The following ATR variants were observed in gnomAD, a reference collection of about 807,000 sequenced individuals.
ATR encodes the protein serine/threonine-protein kinase ATR.
In ATR, 142 loss-of-function variants were observed where a neutral mutation model predicts 305.3. The observed-to-expected ratio is 0.47, with a 90% CI of 0.41 to 0.53. ATR has a LOEUF of 0.53. ATR is among the 20% of genes least tolerant of loss of function. The pLI, the probability that ATR is intolerant of heterozygous loss-of-function variation, is 0.00. For missense variants in ATR, 2,135 were observed against 3,133.1 expected (o/e 0.68, Z 7.60); for synonymous variants, 1,050 against 1,068.1 (o/e 0.98, Z 0.33).
In ATR at chr3:142,550,161, C is replaced by T. The variant is rs537845660; in HGVS notation, c.2947G>A (p.Asp983Asn). The change falls in exon 14 of 47, where the codon GAC becomes AAC. Residue 983 changes from aspartate (D) to asparagine (N), a missense_variant. Asp to Asn is a conservative substitution (Grantham distance 23). Transcript: ENST00000350721. ...AGAAAACGATTAAGATCAGGAAAGT[C>T]GAAAACGTTGGCAATTTCAGACAAC... is the stretch of plus-strand genomic sequence containing the variant. The part of the protein sequence containing the change: ...NTLSEIANVF[D>N]FPDLNRFLTR... The T allele has an allele frequency of 9.3e-6, 15 of 1,614,084 alleles. No individual in the cohort carries two copies. The highest frequency in any genetic ancestry group is 3.3e-5 in the South Asian group (3 of 91,078).
Position 142,505,298 on chromosome 3 carries a change from C to T in ATR, c.5037G>A (p.Leu1679=), listed in dbSNP as rs2108356230. ...IQEHLGFLQK[L]YAAMHEPDGV... ...CATCAGGTTCATGCATAGCAGCATA[C>T]AATTTCTTTGTTCAATGATTAAAAA... Residue 1679 remains leucine, a synonymous_variant, in exon 29 of 47, where the codon TTG becomes TTA. Transcript: ENST00000350721. 1 of 1,613,484 alleles carries T rather than the reference C, an allele frequency of 6.2e-7. No homozygotes were observed. Among genetic ancestry groups the T allele is most frequent in the Non-Finnish European group, 8.5e-7 (1 of 1,179,782 alleles).
At chr3:142,472,674 G>T (rs1304232639) in intron 36 of ATR, among the ~76,000 whole-genome samples, 1 of 151,796 alleles carries the variant, frequency 6.6e-6, no homozygotes, top group Non-Finnish European at 1.5e-5. Context: ...ATCTGGCTCT[G>T]TTGCCTGGGC....
chr3:142,535,797 G>A (rs1051825694), intron 20 of ATR, among the ~76,000 whole-genome samples: 5 of 152,192 alleles, frequency 3.3e-5, no homozygotes, highest in Non-Finnish European at 7.3e-5. Flanking sequence ...CTCTTAGGGT[G>A]TGCCGCTGTG....
Position 142,562,208 on chromosome 3 carries a change from C to T in ATR, c.1170+24G>A, listed in dbSNP as rs2034908471. ...AATGATGAACAAAATACATACTTAA[C>T]TAGTAACCTGAAAAATTACTTACCT... On this transcript the variant is annotated intron_variant, in intron 4 of 46. Coordinates refer to ENST00000350721, the MANE Select transcript of ATR (RefSeq NM_001184.4). The T allele has an allele frequency of 1.9e-6, 3 of 1,612,652 alleles. No individual in the cohort carries two copies. In the African/African-American group the frequency reaches 4.0e-5, roughly 22 times the overall value.
rs769816145 is a variant in ATR, at chr3:142,498,644, T to C, written c.5511A>G (p.Ala1837=). Residue 1837 remains alanine, a synonymous_variant, in exon 32 of 47, where the codon GCA becomes GCG. Transcript: ENST00000350721. ...GTTGGTAGGAGCCTCTTTCAAAGCT[T>C]GCAGCTGAAAGAGGTACAATTTGTT... is the stretch of plus-strand genomic sequence containing the variant. The part of the protein sequence containing the change: ...RAEQIVPLSA[A]SFERGSYQRG... 1 of 1,614,048 alleles carries C rather than the reference T, an allele frequency of 6.2e-7. No individual in the cohort carries two copies. Among genetic ancestry groups the C allele is most frequent in the Non-Finnish European group, 8.5e-7 (1 of 1,179,992 alleles).
intron 21 of ATR, among the ~76,000 whole-genome samples, chr3:142,531,711 A>C (rs2033654824): frequency 6.6e-6 from 1 of 152,230 alleles, no homozygotes; most frequent in African/African-American, 2.4e-5. Flanking sequence ...TGCTGCAATA[A>C]ACATATGTGT....
chr3:142,576,531 T>C (rs528450244), intron 1 of ATR, among the ~76,000 whole-genome samples: 3 of 152,296 alleles, frequency 2.0e-5, no homozygotes. Context: ...GAGAACTAAG[T>C]GAATATGGTG....
intron 5 of ATR, 85 bp from the exon 6 acceptor site, chr3:142,560,539 T>A: frequency 7.5e-7 from 1 of 1,332,814 alleles, no homozygotes. Context: ...TAAAACATAC[T>A]ATGTAATATC....
chr3:142,496,325 T>TG (rs2108332902), intron 34 of ATR, 36 bp downstream of exon 34: 1 of 355,154 alleles, frequency 2.8e-6, no homozygotes, highest in East Asian at 8.5e-5. Flanking sequence ...TATATATATA[T>TG]ATATATATAT....
intron 42 of ATR, 27 bp from the exon 43 acceptor site, chr3:142,459,410 T>C (rs373450901): frequency 2.5e-6 from 4 of 1,613,222 alleles, no homozygotes; most frequent in African/African-American, 1.3e-5. Flanking sequence ...TATCCATTAA[T>C]CACATCAGCC....
intron 19 of ATR, 126 bp from the exon 20 acceptor site, chr3:142,536,327 G>A: frequency 2.9e-6 from 2 of 691,620 alleles, no homozygotes; most frequent in Non-Finnish European, 2.5e-6. Context: ...TTACTGAGCT[G>A]CAAAGTATTT....
intron 3 of ATR, 31 bp downstream of exon 3, chr3:142,566,089 TG>T: frequency 1.2e-6 from 2 of 1,613,574 alleles, no homozygotes; most frequent in Non-Finnish European, 1.7e-6. Context: ...ATAGAACAGA[TG>T]GCAAGTGAAT....
chr3:142,458,663 T>G (rs887703687), intron 44 of ATR, among the ~76,000 whole-genome samples: 1 of 152,168 alleles, frequency 6.6e-6, no homozygotes, highest in South Asian at 2.1e-4. Context: ...TGAGTCTCAG[T>G]AAAATGAACT....
At chr3:142,514,344 T>C (rs530625416) in intron 25 of ATR, among the ~76,000 whole-genome samples, 45 of 151,726 alleles carry the variant, frequency 3.0e-4, no homozygotes, top group African/African-American at 1.1e-3. Flanking sequence ...AAATGTTAAT[T>C]AAAGGTGGGG....
In ATR at chr3:142,470,293, G is replaced by GT. The variant is rs2071231276; in HGVS notation, c.6222-111dup. The GT allele has an allele frequency of 6.5e-6, 6 of 924,090 alleles. No individual in the cohort carries two copies. The South Asian group carries it at 9.1e-5, about 14-fold the overall frequency. The allele number at this position is 924,090 out of a possible 1,614,324, so 57.2% of individuals were successfully genotyped here. Reference sequence around the variant, plus strand: ...ACATACCGTTTTCACAAAAATTATGGTATCAATATTTCTTCCTAGAAGTTA... The same window carrying GT: ...ACATACCGTTTTCACAAAAATTATGGTTATCAATATTTCTTCCTAGAAGTTA... On this transcript the variant is annotated intron_variant, in intron 36 of 46. Coordinates refer to ENST00000350721, the MANE Select transcript of ATR (RefSeq NM_001184.4).
At chr3:142,543,185 G>A (rs764401711) in intron 16 of ATR, among the ~76,000 whole-genome samples, 5 of 152,144 alleles carry the variant, frequency 3.3e-5, no homozygotes, top group Non-Finnish European at 7.4e-5. Context: ...TAAGGAAAAG[G>A]TATTCTACCA....
At chr3:142,496,321 T>TCTG (rs1559937695) in intron 34 of ATR, 40 bp downstream of exon 34, 1 of 285,438 alleles carries the variant, frequency 3.5e-6, no homozygotes, top group Non-Finnish European at 6.3e-6. Context: ...TATATATATA[T>TCTG]ATATATATAT....
chr3:142,496,327 T>TACACAC (rs2031635136), intron 34 of ATR, 34 bp downstream of exon 34: 1 of 382,118 alleles, frequency 2.6e-6, no homozygotes, highest in African/African-American at 3.0e-5. Context: ...TATATATATA[T>TACACAC]ATATATATAT....
chr3:142,519,877 C>T, intron 23 of ATR, 93 bp from the exon 24 acceptor site: 2 of 951,504 alleles, frequency 2.1e-6, no homozygotes, highest in Non-Finnish European at 3.4e-6. Flanking sequence ...TATAAAAATA[C>T]AGCCATAACT....
Sources: allele counts gnomAD v4.1 joint callset (sites outside exome capture counted in the v4.1 genomes callset), GRCh38; gene constraint gnomAD v4.1.1; transcripts MANE v1.5; gene names NCBI Gene and HGNC (gene_info 2026-07-23, HGNC 2026-07-21).